ZC3H18: variants seen among roughly 807,000 people sequenced by gnomAD.
ZC3H18 encodes zinc finger CCCH domain-containing protein 18.
A neutral mutation model predicts 106.1 loss-of-function variants in ZC3H18; 8 were observed. That is an observed-to-expected ratio of 0.08 (90% CI 0.04 to 0.14). The LOEUF is 0.14. ZC3H18 is among the 10% of genes least tolerant of loss of function. The pLI is 1.00. For missense variants in ZC3H18, 1,318 were observed against 1,278.4 expected (o/e 1.03, Z -0.47); for synonymous variants, 635 against 522.1 (o/e 1.22, Z -2.95).
rs1200966251 is a variant in ZC3H18, at chr16:88,627,598, GGT to G, written c.2109-22_2109-21del. The G allele has an allele frequency of 1.3e-6, 2 of 1,585,552 alleles. No homozygotes were observed. The highest frequency in any genetic ancestry group is 2.7e-5 in the African/African-American group (2 of 74,558). ...CCTCCCTCCAGTCTGGCTGGGGTGT[GGT>G]GAGATGTGCTTGTGTGTCCAGGTCC... On this transcript the variant is annotated intron_variant, in intron 13 of 17. Transcript: ENST00000301011. This position sits in a 1 kb window ranked among gnomAD's most constrained non-coding sequence, Gnocchi z 4.5.
intron 6 of ZC3H18, among the ~76,000 whole-genome samples, chr16:88,605,511 C>G (rs1389571585): frequency 6.6e-6 from 1 of 152,252 alleles, no homozygotes; most frequent in African/African-American, 2.4e-5. Flanking sequence ...GTCTCTGCAG[C>G]AAGCAGGGAC....
intron 6 of ZC3H18, chr16:88,608,715 G>T: frequency 3.0e-6 from 1 of 331,212 alleles, no homozygotes; most frequent in Non-Finnish European, 5.6e-6. Flanking sequence ...TTGAATTTTT[G>T]TTAGACATTT....
chr16:88,591,506 A>T (rs187004122), intron 3 of ZC3H18, among the ~76,000 whole-genome samples: 14 of 151,518 alleles, frequency 9.2e-5, no homozygotes, highest in African/African-American at 2.9e-4. Flanking sequence ...CAGTAGGTGG[A>T]GGTTGCAGTG....
At chr16:88,576,038 C>T (rs1249011726) in intron 1 of ZC3H18, among the ~76,000 whole-genome samples, 2 of 152,152 alleles carry the variant, frequency 1.3e-5, no homozygotes, top group East Asian at 3.8e-4. Flanking sequence ...ATAGCTGGGA[C>T]TACAGGCGCC....
chr16:88,627,889 A>G lies in ZC3H18; in HGVS notation c.2270-31A>G, dbSNP rs1193470359. 1.9e-6 allele frequency: 3 copies of G among 1,613,498 alleles called. No homozygotes were observed. Among genetic ancestry groups the G allele is most frequent in the Non-Finnish European group, 2.5e-6 (3 of 1,179,908 alleles). ...GTGTGGCCATGGGAAAATCACCAGT[A>G]CCCCCATGACTGCGGATTTATCATT... On this transcript the variant is annotated intron_variant, in intron 14 of 17. Transcript: ENST00000301011. This position sits in a 1 kb window ranked among gnomAD's most constrained non-coding sequence, Gnocchi z 4.5.
intron 11 of ZC3H18, 167 bp downstream of exon 11, chr16:88,624,229 C>A: frequency 1.1e-6 from 1 of 930,014 alleles, no homozygotes; most frequent in Non-Finnish European, 1.6e-6. Context: ...GGCACAGCTC[C>A]TGTTCTCACG....
chr16:88,576,078 TTTTCATAGAGACGGGG>T (rs1163508472), intron 1 of ZC3H18, among the ~76,000 whole-genome samples: 1 of 152,172 alleles, frequency 6.6e-6, no homozygotes, highest in Non-Finnish European at 1.5e-5. Flanking sequence ...GTTTTTGTAT[TTTTCATAGAGACGGGG>T]TTTCACCGTG....
chr16:88,582,227 T>TTTTTC (rs1555533219), intron 2 of ZC3H18, among the ~76,000 whole-genome samples: 1 of 132,040 alleles, frequency 7.6e-6, no homozygotes, highest in Non-Finnish European at 1.6e-5. Flanking sequence ...TTCTTTTTTT[T>TTTTTC]TTTTTTTTTT....
chr16:88,587,706 G>T, intron 3 of ZC3H18: 2 of 1,273,004 alleles, frequency 1.6e-6, no homozygotes, highest in Non-Finnish European at 2.2e-6. Context: ...GAACACAGCT[G>T]TGAAGCCAGA....
At chr16:88,572,651 G>C (rs1194590031) in intron 1 of ZC3H18, among the ~76,000 whole-genome samples, 3 of 152,042 alleles carry the variant, frequency 2.0e-5, no homozygotes, top group African/African-American at 7.2e-5. Context: ...ACCAAACTGA[G>C]CACAAATTGC....
chr16:88,604,232 G>T (rs1044918885), intron 6 of ZC3H18, among the ~76,000 whole-genome samples: 5 of 151,972 alleles, frequency 3.3e-5, no homozygotes, highest in African/African-American at 1.2e-4. Context: ...CGCACCTGTA[G>T]TCCCAGCTAC....
chr16:88,586,814 G>A, intron 3 of ZC3H18, 130 bp downstream of exon 3: 1 of 624,740 alleles, frequency 1.6e-6, no homozygotes, highest in Non-Finnish European at 2.9e-6. Context: ...GCTAGGTGGT[G>A]GTGGTGGTGG....
Position 88,577,562 on chromosome 16 carries a change from G to T in ZC3H18, c.439G>T (p.Ala147Ser), listed in dbSNP as rs754926027. 30 of 1,613,510 alleles carry T rather than the reference G, an allele frequency of 1.9e-5. No individual in the cohort carries two copies. The highest frequency in any genetic ancestry group is 2.4e-5 in the Non-Finnish European group (28 of 1,179,894). The change falls in exon 2 of 18, where the codon GCT (alanine) becomes TCT (serine). Residue 147 changes from alanine (A) to serine (S), a missense_variant. By Grantham distance (99) the Ala-to-Ser change is moderately conservative. Transcript: ENST00000301011. Reference protein sequence around the residue: ...EPAPAVQEDEAEKAGAEDDEE... With the variant: ...EPAPAVQEDESEKAGAEDDEE... ...AGCTCCCGCCGTCCAGGAGGACGAG[G>T]CTGAGAAAGCGGGGGCTGAGGATGA...
intron 8 of ZC3H18, among the ~76,000 whole-genome samples, chr16:88,621,756 G>C (rs1218512332): frequency 6.6e-6 from 1 of 152,242 alleles, no homozygotes; most frequent in East Asian, 1.9e-4. Context: ...CTCGCAAAGT[G>C]CTGGGATTGC....
intron 1 of ZC3H18, among the ~76,000 whole-genome samples, chr16:88,570,819 C>T (rs1914351370): frequency 6.6e-6 from 1 of 152,202 alleles, no homozygotes; most frequent in South Asian, 2.1e-4. Flanking sequence ...TCCTCGCGCG[C>T]TGCCTCCGCG....
chr16:88,577,229 C>G lies in ZC3H18; in HGVS notation c.106C>G (p.Gln36Glu). ...CATTCTGAGGGACAGCGGGTCCGATCAGGATTTGGACGGGGCGGGGGTGAG... is the reference window on the plus strand; with the variant it reads ...CATTCTGAGGGACAGCGGGTCCGATGAGGATTTGGACGGGGCGGGGGTGAG... ...DDILRDSGSD[Q>E]DLDGAGVRAS... is the part of the protein sequence containing the mutation. Residue 36 changes from glutamine to glutamate, a missense_variant, in exon 2 of 18, where the codon CAG (glutamine) becomes GAG (glutamate). This residue lies in a region of ZC3H18 where 346 missense variants were observed against 269.0 expected (regional missense o/e 1.29). Coordinates refer to ENST00000301011, the MANE Select transcript of ZC3H18 (RefSeq NM_144604.4). 1.2e-6 allele frequency: 2 copies of G among 1,612,964 alleles called. No individual in the cohort carries two copies. The highest frequency in any genetic ancestry group is 1.7e-6 in the Non-Finnish European group (2 of 1,179,682).
Position 88,577,373 on chromosome 16 carries a change from G to C in ZC3H18, c.250G>C (p.Glu84Gln). 1 of 1,597,768 alleles carries C rather than the reference G, an allele frequency of 6.3e-7. No homozygotes were observed. Among genetic ancestry groups the C allele is most frequent in the Non-Finnish European group, 8.5e-7 (1 of 1,170,236 alleles). Residue 84 changes from glutamate to glutamine, a missense_variant, in exon 2 of 18, where the codon GAG (glutamate) becomes CAG (glutamine). Physicochemically the swap from Glu to Gln is conservative, Grantham distance 29. Transcript: ENST00000301011. ...GCCTAAATCCCAAGACCAGGACTCAGAGGTGAATGAGCTGAGCCGGGGCCC... is the reference window on the plus strand; with the variant it reads ...GCCTAAATCCCAAGACCAGGACTCACAGGTGAATGAGCTGAGCCGGGGCCC... The part of the protein sequence containing the change: ...SEPKSQDQDS[E>Q]VNELSRGPTS...
chr16:88,615,289 C>T (rs1036314181), intron 8 of ZC3H18, among the ~76,000 whole-genome samples: 1 of 151,110 alleles, frequency 6.6e-6, no homozygotes, highest in African/African-American at 2.4e-5. Flanking sequence ...TGCTCAGATT[C>T]CTCTGCACAG....
At position 88,611,522 on chromosome 16, in the gene ZC3H18, CCCGCAG is replaced by C. The variant is rs1567592487; in HGVS notation, c.1466_1471del (p.Gln489_Pro490del). 6.5e-7 allele frequency: 1 copy of C among 1,549,934 alleles called. No individual in the cohort carries two copies. The highest frequency in any genetic ancestry group is 2.0e-5 in the Admixed American group (1 of 50,984). On this transcript the variant is annotated inframe_deletion, in exon 8 of 18. Coordinates refer to ENST00000301011, the MANE Select transcript of ZC3H18 (RefSeq NM_144604.4). ...AGAAGGGGAAGCCCAAGCCCCGCTC[CCCGCAG>C]CCGCCAAGGTAGACCCTGCTTCCTG...
Sources: gnomAD v4.1 joint callset for allele counts (sites outside exome capture counted in the v4.1 genomes callset) on GRCh38, gnomAD v4.1.1 for gene constraint, gnomAD v4.1.1 regional missense constraint, Gnocchi (gnomAD v3.1) non-coding constraint, MANE v1.5 for transcripts, NCBI Gene and HGNC (gene_info 2026-07-23, HGNC 2026-07-21) for gene names.